Variants in PRKCE observed in about 807,000 individuals in gnomAD.
The protein encoded by PRKCE is protein kinase C epsilon type.
A neutral mutation model predicts 85.4 loss-of-function variants in PRKCE; 16 were observed. That is an observed-to-expected ratio of 0.19 (90% CI 0.13 to 0.28). PRKCE has a LOEUF of 0.28. Among genes scored for constraint, PRKCE ranks in the 10% least tolerant of loss-of-function variants. The pLI is 1.00. For synonymous variants in PRKCE, 388 were observed against 371.5 expected (o/e 1.04, Z -0.51); for missense variants, 573 against 975.2 (o/e 0.59, Z 5.49).
chr2:46,002,750 G>A (rs1704807284), intron 7 of PRKCE, among the ~76,000 whole-genome samples: 1 of 152,164 alleles, frequency 6.6e-6, no homozygotes, highest in Non-Finnish European at 1.5e-5. Context: ...CAGAGTATCA[G>A]TACCCAAGAA....
At chr2:46,174,235 C>A (rs559202565) in intron 14 of PRKCE, among the ~76,000 whole-genome samples, 4 of 152,326 alleles carry the variant, frequency 2.6e-5, no homozygotes, top group Admixed American at 2.0e-4. Context: ...GCTGCCAGGA[C>A]CCTTTCCGTT....
intron 1 of PRKCE, among the ~76,000 whole-genome samples, chr2:45,832,876 C>G (rs1171580842): frequency 6.6e-6 from 1 of 152,124 alleles, no homozygotes; most frequent in African/African-American, 2.4e-5. Flanking sequence ...ACAATATTGC[C>G]TTCTTCACAT....
intron 2 of PRKCE, among the ~76,000 whole-genome samples, chr2:45,865,963 G>A (rs1319122118): frequency 1.3e-5 from 2 of 151,968 alleles, no homozygotes; most frequent in Non-Finnish European, 2.9e-5. Context: ...GACCACAGGT[G>A]CATGCCACCA....
chr2:45,728,992 T>C (rs1681328967), intron 1 of PRKCE, among the ~76,000 whole-genome samples: 1 of 152,150 alleles, frequency 6.6e-6, no homozygotes, highest in African/African-American at 2.4e-5. Context: ...GCTGCCTCTA[T>C]TCCCACTTCT....
At chr2:45,705,454 G>A (rs762903974) in intron 1 of PRKCE, among the ~76,000 whole-genome samples, 3 of 152,220 alleles carry the variant, frequency 2.0e-5, no homozygotes, top group Non-Finnish European at 4.4e-5. Flanking sequence ...TACTCCAGAG[G>A]AGGCGGGGTG....
intron 1 of PRKCE, among the ~76,000 whole-genome samples, chr2:45,777,573 C>G (rs749745612): frequency 6.6e-6 from 1 of 152,180 alleles, no homozygotes; most frequent in Non-Finnish European, 1.5e-5. Context: ...GCCAGACATA[C>G]GTCTAGCACC....
At chr2:45,998,473 C>T (rs998580096) in intron 6 of PRKCE, among the ~76,000 whole-genome samples, 1 of 152,140 alleles carries the variant, frequency 6.6e-6, no homozygotes, top group African/African-American at 2.4e-5. Flanking sequence ...TTTAGCTTTT[C>T]TGCTTTTTTG....
intron 1 of PRKCE, among the ~76,000 whole-genome samples, chr2:45,791,101 G>A (rs889865613): frequency 3.9e-5 from 6 of 152,234 alleles, no homozygotes; most frequent in South Asian, 2.1e-4. Flanking sequence ...AAGGTTTTGT[G>A]TAGAGGTCTC....
At chr2:45,716,838 G>A (rs1036678252) in intron 1 of PRKCE, among the ~76,000 whole-genome samples, 2 of 152,142 alleles carry the variant, frequency 1.3e-5, no homozygotes, top group Non-Finnish European at 2.9e-5. Context: ...TACAATCATG[G>A]CGGAAGAGGA....
At chr2:45,775,809 C>CT (rs1402054261) in intron 1 of PRKCE, among the ~76,000 whole-genome samples, 1 of 152,172 alleles carries the variant, frequency 6.6e-6, no homozygotes, top group African/African-American at 2.4e-5. Flanking sequence ...TTAAAACAGC[C>CT]TACAAGGCCA....
At position 46,001,541 on chromosome 2, in the gene PRKCE, A is replaced by G. The variant is rs1704682146; in HGVS notation, c.961A>G (p.Lys321Glu). 6.3e-7 allele frequency: 1 copy of G among 1,597,028 alleles called. No homozygotes were observed. The highest frequency in any genetic ancestry group is 8.5e-7 in the Non-Finnish European group (1 of 1,178,544). ...AATCACCAACAGCGGCCAGAGAAGG[A>G]AAAAGGTAACTGGCTGTTTGGTGGT... ...DKITNSGQRR[K>E]KLIAGAESPQ... Residue 321 changes from lysine to glutamate, a missense_variant, in exon 7 of 15, where the codon AAA becomes GAA. Physicochemically the swap from Lys to Glu is moderately conservative, Grantham distance 56 (BLOSUM62 1). Coordinates refer to ENST00000306156, the MANE Select transcript of PRKCE (RefSeq NM_005400.3). The surrounding 1 kb of genome is among the most constrained non-coding windows in gnomAD (Gnocchi z 4.4).
At chr2:46,027,685 C>T (rs1283938160) in intron 10 of PRKCE, among the ~76,000 whole-genome samples, 2 of 152,198 alleles carry the variant, frequency 1.3e-5, no homozygotes, top group Admixed American at 6.5e-5. Context: ...TGAGCTTGTG[C>T]ACTACCTCTG....
intron 2 of PRKCE, among the ~76,000 whole-genome samples, chr2:45,952,935 A>G (rs973757356): frequency 6.6e-6 from 1 of 152,176 alleles, no homozygotes; most frequent in Non-Finnish European, 1.5e-5. Context: ...CAGTATGAGG[A>G]TTTGTCTTAA....
intron 2 of PRKCE, among the ~76,000 whole-genome samples, chr2:45,973,243 G>A (rs1702222691): frequency 6.6e-6 from 1 of 152,148 alleles, no homozygotes; most frequent in Non-Finnish European, 1.5e-5. Context: ...TTTTCACATT[G>A]TATAGGCCAC....
At chr2:45,846,118 G>C (rs918937766) in intron 2 of PRKCE, among the ~76,000 whole-genome samples, 1 of 152,090 alleles carries the variant, frequency 6.6e-6, no homozygotes, top group Non-Finnish European at 1.5e-5. Context: ...GGGGGTTCTG[G>C]TAAGGGTGGC....
At position 45,905,926 on chromosome 2, in the gene PRKCE, G is replaced by T. The variant is rs1696937575; in HGVS notation, c.412+62863G>T. On this transcript the variant is annotated intron_variant, in intron 2 of 14. Coordinates refer to ENST00000306156, the MANE Select transcript of PRKCE (RefSeq NM_005400.3). This position sits in a 1 kb window ranked among gnomAD's most constrained non-coding sequence, Gnocchi z 4.4. ...GAAGGATGTGCTTGTGCGGGGTATGGTGTCTGCCCACATGAAGGGCCGGGG... is the reference window on the plus strand; with the variant it reads ...GAAGGATGTGCTTGTGCGGGGTATGTTGTCTGCCCACATGAAGGGCCGGGG... Among the ~76,000 whole-genome samples the T allele has an allele frequency of 6.6e-6, 1 of 152,218 alleles. No individual in the cohort carries two copies. The highest frequency in any genetic ancestry group is 6.5e-5 in the Admixed American group (1 of 15,282).
At chr2:45,841,097 C>T (rs1375926161) in intron 1 of PRKCE, among the ~76,000 whole-genome samples, 1 of 152,196 alleles carries the variant, frequency 6.6e-6, no homozygotes, top group Admixed American at 6.5e-5. Context: ...ATCATACTTT[C>T]TGTCTATCAG....
At chr2:45,935,853 C>A (rs1286519445) in intron 2 of PRKCE, among the ~76,000 whole-genome samples, 2 of 152,016 alleles carry the variant, frequency 1.3e-5, no homozygotes, top group Non-Finnish European at 2.9e-5. Flanking sequence ...GCCTTCTCTT[C>A]TGGTTTGTCT....
At position 45,984,739 on chromosome 2, in the gene PRKCE, C is replaced by A; in HGVS notation, c.823+59C>A. The A allele has an allele frequency of 2.6e-6, 4 of 1,555,588 alleles. No homozygotes were observed. In the South Asian group the frequency reaches 3.5e-5, roughly 14 times the overall value. On this transcript the variant is annotated intron_variant, in intron 6 of 14. Coordinates refer to ENST00000306156, the MANE Select transcript of PRKCE (RefSeq NM_005400.3). ...CATGTCCCCTTCCTTGCTGCCTGCC[C>A]CCATCCCTGCTTTATAAAAAACCCT...
Sources: allele counts gnomAD v4.1 joint callset (sites outside exome capture counted in the v4.1 genomes callset), GRCh38; gene constraint gnomAD v4.1.1; non-coding constraint Gnocchi (gnomAD v3.1); transcripts MANE v1.5; gene names NCBI Gene and HGNC (gene_info 2026-07-23, HGNC 2026-07-21).